The following VMA21 variants were observed in gnomAD, a reference collection of about 807,000 sequenced individuals.
VMA21 encodes vacuolar ATPase assembly integral membrane protein VMA21.
For synonymous variants in VMA21, 47 were observed against 34.1 expected, an observed-to-expected ratio of 1.38 and a Z score of -1.32; for missense variants, 61 against 80.6, an observed-to-expected ratio of 0.76 and a Z score of 0.93.
At chrX:151,397,465 C>A (rs979332623) in intron 1 of VMA21, 104 bp downstream of exon 1, 2 of 910,421 alleles carry the variant, frequency 2.2e-6, no homozygotes, top group East Asian at 7.5e-5. Flanking sequence ...GTCTGGACCC[C>A]GGGGACCTGG....
intron 1 of VMA21, among the ~76,000 whole-genome samples, chrX:151,401,768 A>G (rs1289995921): frequency 9.0e-6 from 1 of 111,291 alleles, no homozygotes; most frequent in Non-Finnish European, 1.9e-5. Context: ...TTTTTTTGAA[A>G]TAGAGTCTTG....
chrX:151,401,618 C>T (rs1304659945), intron 1 of VMA21, among the ~76,000 whole-genome samples: 1 of 112,138 alleles, frequency 8.9e-6, no homozygotes, highest in Admixed American at 9.5e-5. Context: ...GACATTTCAA[C>T]AGTATTAATT....
In VMA21 at chrX:151,407,720, A is replaced by G. The variant is rs983810117; in HGVS notation, c.*2662A>G. 1 of 111,776 alleles carries G rather than the reference A, an allele frequency of 8.9e-6. No individual in the cohort carries two copies. The highest frequency in any genetic ancestry group is 2.8e-4 in the East Asian group (1 of 3,564). The allele number at this position is 111,776 out of a possible 1,213,427, so 9.2% of individuals were successfully genotyped here. ...TTGAGAAATGAAAAGTCTGCTGTAG[A>G]ATGTATCTGATGTCATTAGTTCTTC... On this transcript the variant is annotated 3_prime_UTR_variant, in exon 3 of 3. Coordinates refer to ENST00000330374, the MANE Select transcript of VMA21 (RefSeq NM_001017980.4).
chrX:151,405,010 G>A lies in VMA21; in HGVS notation c.258G>A (p.Val86=). 8.3e-7 allele frequency: 1 copy of A among 1,210,947 alleles called. No individual in the cohort carries two copies. Among genetic ancestry groups the A allele is most frequent in the South Asian group, 1.8e-5 (1 of 56,924 alleles). Residue 86 remains valine, a synonymous_variant, in exon 3 of 3, where the codon GTG becomes GTA. Transcript: ENST00000330374. Reference sequence around the variant, plus strand: ...TGGTGCTGGCCCTCTTTGTGTATGTGGCCTGGAATGAAGGCTCACGACAGT... The same window carrying A: ...TGGTGCTGGCCCTCTTTGTGTATGTAGCCTGGAATGAAGGCTCACGACAGT... ...VHVVLALFVY[V]AWNEGSRQWR...
At chrX:151,401,851 A>G (rs145502686) in intron 1 of VMA21, among the ~76,000 whole-genome samples, 699 of 110,880 alleles carry the variant, frequency 6.3e-3, no homozygotes, top group Non-Finnish European at 0.01. Context: ...GGCTCAAACA[A>G]TCCTCCCACT....
chrX:151,397,589 C>T (rs1259421239), intron 1 of VMA21, among the ~76,000 whole-genome samples: 3 of 112,096 alleles, frequency 2.7e-5, no homozygotes, highest in Admixed American at 1.9e-4. Context: ...GGTCAGTGGG[C>T]CTTCAGCTCA....
At position 151,407,446 on chromosome X, in the gene VMA21, G is replaced by C. The variant is rs1318009379; in HGVS notation, c.*2388G>C. On this transcript the variant is annotated 3_prime_UTR_variant, in exon 3 of 3. Transcript: ENST00000330374. ...ATTTATTTTTCAAAATGTCTCACTAGTTTCCTTTTACACAATGTATATACT... is the reference window on the plus strand; with the variant it reads ...ATTTATTTTTCAAAATGTCTCACTACTTTCCTTTTACACAATGTATATACT... 1 of 112,697 alleles carries C rather than the reference G, an allele frequency of 8.9e-6. No individual in the cohort carries two copies. Among genetic ancestry groups the C allele is most frequent in the African/African-American group, 3.2e-5 (1 of 30,919 alleles). The allele number at this position is 112,697 out of a possible 1,213,427, so 9.3% of individuals were successfully genotyped here. A position where few individuals can be genotyped will look rare whatever the true frequency, so the allele number is the denominator to read the frequency against.
chrX:151,401,333 C>T (rs2011235345), intron 1 of VMA21, among the ~76,000 whole-genome samples: 1 of 111,379 alleles, frequency 9.0e-6, no homozygotes, highest in South Asian at 3.8e-4. Flanking sequence ...ATTAGTTGGC[C>T]ATATATGTTT....
Position 151,405,410 on chromosome X carries a change from C to A in VMA21, c.*352C>A, listed in dbSNP as rs755218792. ...ACTCATTTGGATATATTAAGATGCA[C>A]ACAGTGAAGCAAATTAAACTCCACT... On this transcript the variant is annotated 3_prime_UTR_variant, in exon 3 of 3. Transcript: ENST00000330374. The A allele has an allele frequency of 7.4e-6, 1 of 135,562 alleles. No homozygotes were observed. Among genetic ancestry groups the A allele is most frequent in the African/African-American group, 3.2e-5 (1 of 31,379 alleles). 11.2% of individuals were successfully genotyped at this position (135,562 alleles called of 1,213,427 possible).
chrX:151,405,252 C>A lies in VMA21; in HGVS notation c.*194C>A. 1.3e-5 allele frequency: 5 copies of A among 394,366 alleles called. No individual in the cohort carries two copies. Among genetic ancestry groups the A allele is most frequent in the African/African-American group, 7.6e-5 (2 of 26,312 alleles). The allele number at this position is 394,366 out of a possible 1,213,427, so 32.5% of individuals were successfully genotyped here. On this transcript the variant is annotated 3_prime_UTR_variant, in exon 3 of 3. Transcript: ENST00000330374. The stretch of plus-strand genomic sequence containing the variant: ...GTTTTAACTGTATGAATCTGATTTG[C>A]AAATGAGAATTTGGAAAAGTTAGTT...
chrX:151,407,832 A>C lies in VMA21; in HGVS notation c.*2774A>C, dbSNP rs2011310471. On this transcript the variant is annotated 3_prime_UTR_variant, in exon 3 of 3. Coordinates refer to ENST00000330374, the MANE Select transcript of VMA21 (RefSeq NM_001017980.4). ...TTTAAACCTGCCATTAAAAATCCCC[A>C]TGTTTCATGGAAATCTAACAGAAAT... The C allele has an allele frequency of 8.9e-6, 1 of 111,871 alleles. No homozygotes were observed. Among genetic ancestry groups the C allele is most frequent in the Non-Finnish European group, 1.9e-5 (1 of 53,155 alleles). 9.2% of individuals were successfully genotyped at this position (111,871 alleles called of 1,213,427 possible).
In VMA21 at chrX:151,397,330, G is replaced by A. The variant is rs1483109932; in HGVS notation, c.22G>A (p.Ala8Thr). The A allele has an allele frequency of 1.7e-6, 2 of 1,162,607 alleles. No homozygotes were observed. Among genetic ancestry groups the A allele is most frequent in the East Asian group, 3.3e-5 (1 of 30,769 alleles). Residue 8 changes from alanine (A) to threonine (T), a missense_variant, in exon 1 of 3, where the codon GCG (alanine) becomes ACG (threonine). Physicochemically the swap from Ala to Thr is moderately conservative, Grantham distance 58. Coordinates refer to ENST00000330374, the MANE Select transcript of VMA21 (RefSeq NM_001017980.4). MERPDKA[A>T]LNALQPPEFR... is the part of the protein sequence containing the mutation. The stretch of plus-strand genomic sequence containing the variant: ...CACCATGGAGCGCCCGGATAAGGCG[G>A]CGCTGAACGCACTGCAGCCTCCTGA...
intron 2 of VMA21, among the ~76,000 whole-genome samples, chrX:151,404,450 G>C (rs549107234): frequency 9.2e-6 from 1 of 109,249 alleles, no homozygotes; most frequent in African/African-American, 3.3e-5. Flanking sequence ...ACGGAGTCTC[G>C]CTCAGTCACC....
chrX:151,397,204 C>T (rs1466735667), upstream of VMA21: 2 of 960,356 alleles, frequency 2.1e-6, no homozygotes, highest in Non-Finnish European at 2.8e-6. Context: ...GCGCGAACCG[C>T]TACTTCCGGT....
upstream of VMA21, chrX:151,396,768 TGTC>T (rs1354325855): frequency 3.5e-5 from 16 of 451,185 alleles, no homozygotes; most frequent in Middle Eastern, 6.9e-4. Flanking sequence ...TTTTTTGTGT[TGTC>T]GTCGGCGGAA....
At chrX:151,401,659 C>G (rs1441272935) in intron 1 of VMA21, among the ~76,000 whole-genome samples, 1 of 112,140 alleles carries the variant, frequency 8.9e-6, no homozygotes, top group African/African-American at 3.2e-5. Context: ...GATATCTTTA[C>G]ATTTATTTGT....
At chrX:151,400,637 G>A (rs1320659629) in intron 1 of VMA21, among the ~76,000 whole-genome samples, 1 of 112,028 alleles carries the variant, frequency 8.9e-6, no homozygotes, top group African/African-American at 3.2e-5. Flanking sequence ...TTCCATAATG[G>A]CTGTACCAGT....
chrX:151,402,915 C>T (rs1569366528), intron 1 of VMA21, among the ~76,000 whole-genome samples: 1 of 110,404 alleles, frequency 9.1e-6, no homozygotes, highest in East Asian at 2.9e-4. Context: ...CAGATGCAAG[C>T]TCCGATTCCA....
intron 1 of VMA21, among the ~76,000 whole-genome samples, chrX:151,399,638 T>G (rs912842239): frequency 1.8e-5 from 2 of 111,990 alleles, no homozygotes; most frequent in African/African-American, 6.5e-5. Flanking sequence ...GATTACACAA[T>G]AAATTTCTCT....
Sources: gnomAD v4.1 joint callset for allele counts (sites outside exome capture counted in the v4.1 genomes callset) on GRCh38, gnomAD v4.1.1 for gene constraint, MANE v1.5 for transcripts, NCBI Gene and HGNC (gene_info 2026-07-23, HGNC 2026-07-21) for gene names.